Variants in SPRY3 observed in about 807,000 individuals in gnomAD.
The protein encoded by SPRY3 is sprouty RTK signaling antagonist 3.
Under a neutral mutation model 20.2 loss-of-function variants are expected in SPRY3, and 15 were observed. The observed-to-expected ratio is 0.74, with a 90% confidence interval of 0.50 to 1.14. The LOEUF (loss-of-function observed/expected upper bound fraction) is 1.14. Ranked by LOEUF, SPRY3 falls within the 50% of genes most tolerant of loss-of-function variation. The pLI, the probability that SPRY3 is intolerant of heterozygous loss-of-function variation, is 0.00. For synonymous variants in SPRY3, 143 were observed against 136.5 expected, an observed-to-expected ratio of 1.05 and a Z score of -0.33; for missense variants, 364 against 363.9, an observed-to-expected ratio of 1.00 and a Z score of 0.00.
intron 1 of SPRY3, among the ~76,000 whole-genome samples, chrX:155,637,392 A>G (rs1159239231): frequency 1.8e-5 from 2 of 111,150 alleles, no homozygotes; most frequent in Non-Finnish European, 3.8e-5. Flanking sequence ...AACCACATTT[A>G]TGCTCTGCCT....
intron 2 of SPRY3, among the ~76,000 whole-genome samples, chrX:155,692,510 T>C (rs1183480802): frequency 1.8e-5 from 2 of 111,459 alleles, no homozygotes; most frequent in Non-Finnish European, 3.8e-5. Flanking sequence ...GATTTGCATT[T>C]TCTAGGTTAT....
At chrX:155,774,814 G>A (rs1169496581) in exon 4 of SPRY3, 4 of 1,500,600 alleles carry the variant, frequency 2.7e-6, no homozygotes, top group Non-Finnish European at 3.6e-6. Flanking sequence ...TCTTTGGAGA[G>A]GGGGAGGAGT....
In SPRY3 at chrX:155,620,676, G is replaced by A. The variant is rs187354576; in HGVS notation, c.-441+8029G>A. 2.8e-3 allele frequency among the ~76,000 whole-genome samples: 308 copies of A among 111,388 alleles called. 5 individuals carry two copies. Among genetic ancestry groups the A allele is most frequent in the Admixed American group, 0.021 (217 of 10,461 alleles). ...AGAATAATGGTTTCCTGGAGCAGAG[G>A]AGTTGTGTATTTACTGGAAGGAGTA... On this transcript the variant is annotated intron_variant, in intron 1 of 3. Transcript: ENST00000675360.
chrX:155,768,573 C>G (rs960206921), intron 3 of SPRY3, among the ~76,000 whole-genome samples: 28 of 152,184 alleles, frequency 1.8e-4, no homozygotes, highest in Non-Finnish European at 3.8e-4. Flanking sequence ...TATTGGCTCA[C>G]AAGTCTGGGC....
intron 1 of SPRY3, among the ~76,000 whole-genome samples, chrX:155,615,777 G>A (rs1220570113): frequency 9.0e-6 from 1 of 111,272 alleles, no homozygotes; most frequent in African/African-American, 3.3e-5. Context: ...CTGACTCTGG[G>A]GATATGAACA....
chrX:155,678,060 G>A (rs746082067), intron 2 of SPRY3, among the ~76,000 whole-genome samples: 3 of 111,293 alleles, frequency 2.7e-5, no homozygotes, highest in African/African-American at 6.5e-5. Context: ...TTCCACACAA[G>A]CTTGTGCAGG....
intron 2 of SPRY3, among the ~76,000 whole-genome samples, chrX:155,757,588 C>T (rs1257270944): frequency 1.3e-5 from 2 of 152,042 alleles, no homozygotes; most frequent in African/African-American, 2.4e-5. Context: ...GAGAATAATG[C>T]TTGTAATGGT....
chrX:155,634,962 T>C (rs1481185368), intron 1 of SPRY3, among the ~76,000 whole-genome samples: 1 of 109,281 alleles, frequency 9.2e-6, no homozygotes, highest in Non-Finnish European at 1.9e-5. Context: ...TAGGTATACA[T>C]GTGCCATGGT....
chrX:155,667,342 C>T (rs2068027702), intron 2 of SPRY3, among the ~76,000 whole-genome samples: 1 of 110,900 alleles, frequency 9.0e-6, no homozygotes, highest in Non-Finnish European at 1.9e-5. Context: ...TTTCAGGGAA[C>T]AGTCTGAAGA....
At chrX:155,659,036 C>G (rs1557353292) in intron 2 of SPRY3, among the ~76,000 whole-genome samples, 1 of 111,612 alleles carries the variant, frequency 9.0e-6, no homozygotes, top group African/African-American at 3.3e-5. Flanking sequence ...ATAAGGAGCA[C>G]TTGATTGTGA....
chrX:155,704,392 A>T (rs2090933945), intron 2 of SPRY3, among the ~76,000 whole-genome samples: 1 of 151,776 alleles, frequency 6.6e-6, no homozygotes, highest in Non-Finnish European at 1.5e-5. Flanking sequence ...GAGGGGCCCA[A>T]CAGAACTGAC....
intron 2 of SPRY3, among the ~76,000 whole-genome samples, chrX:155,718,958 A>G (rs1416065673): frequency 6.6e-6 from 1 of 152,108 alleles, no homozygotes; most frequent in African/African-American, 2.4e-5. Context: ...AAGGACACCA[A>G]TTTAAAAACT....
chrX:155,716,347 TA>T (rs1366289942), intron 2 of SPRY3, among the ~76,000 whole-genome samples: 1 of 152,156 alleles, frequency 6.6e-6, no homozygotes, highest in African/African-American at 2.4e-5. Flanking sequence ...TCCTTATTGA[TA>T]TTTTCTATCT....
At chrX:155,680,718 G>A (rs953074275) in intron 2 of SPRY3, among the ~76,000 whole-genome samples, 1 of 111,515 alleles carries the variant, frequency 9.0e-6, no homozygotes, top group African/African-American at 3.3e-5. Flanking sequence ...ACAAATTGAA[G>A]GTTTGTGGAA....
chrX:155,631,276 T>C (rs975564135), intron 1 of SPRY3, among the ~76,000 whole-genome samples: 15 of 112,584 alleles, frequency 1.3e-4, no homozygotes, highest in African/African-American at 4.8e-4. Context: ...GGACATAATT[T>C]CATTCTTCAA....
chrX:155,710,311 A>AT lies in SPRY3; in HGVS notation c.-282+53292dup, dbSNP rs758350446. On this transcript the variant is annotated intron_variant, in intron 2 of 3. Coordinates refer to ENST00000675360, the Ensembl canonical transcript of SPRY3. ...ATCCATAAACATAGAATATCTTTCC[A>AT]TTTTTTGTGCGTACTCTTCAATTTC... Among the ~76,000 whole-genome samples, 5 of 151,792 alleles carry AT rather than the reference A, an allele frequency of 3.3e-5. No homozygotes were observed. The East Asian group carries it at 5.8e-4, about 18-fold the overall frequency.
intron 1 of SPRY3, among the ~76,000 whole-genome samples, chrX:155,648,082 G>C (rs2067963580): frequency 8.9e-6 from 1 of 112,113 alleles, no homozygotes; most frequent in Non-Finnish European, 1.9e-5. Context: ...TTATATGTTT[G>C]TTAGCCTCAT....
rs1293194615 is a variant in SPRY3 at position 155,768,141 on chromosome X, G to A, written c.-107+5G>A. On this transcript the variant is annotated splice_donor_5th_base_variant and intron_variant, in intron 3 of 3. Transcript: ENST00000675360. Reference sequence around the variant, plus strand: ...TGGATAAACCATTTCCTCAAGGTAAGCCATAGAAATTAGCTCTTTAAAAAC... The same window carrying A: ...TGGATAAACCATTTCCTCAAGGTAAACCATAGAAATTAGCTCTTTAAAAAC... 1 of 151,950 alleles carries A rather than the reference G, an allele frequency of 6.6e-6. No homozygotes were observed. Among genetic ancestry groups the A allele is most frequent in the Admixed American group, 6.5e-5 (1 of 15,272 alleles). 9.4% of individuals were successfully genotyped at this position (151,950 alleles called of 1,614,324 possible). A position where few individuals can be genotyped will look rare whatever the true frequency, so the allele number is the denominator to read the frequency against.
chrX:155,674,670 A>G (rs781809381), intron 2 of SPRY3, among the ~76,000 whole-genome samples: 1 of 111,163 alleles, frequency 9.0e-6, no homozygotes, highest in Non-Finnish European at 1.9e-5. Flanking sequence ...GTAACTACAC[A>G]CTGTTGACTC....
Sources: gnomAD v4.1 joint callset for allele counts (sites outside exome capture counted in the v4.1 genomes callset) on GRCh38, gnomAD v4.1.1 for gene constraint, MANE v1.5 for transcripts, NCBI Gene and HGNC (gene_info 2026-07-23, HGNC 2026-07-21) for gene names.